Variants in LAMB4 observed in about 807,000 individuals in gnomAD.
LAMB4 encodes the protein laminin subunit beta-4.
In LAMB4, 196 loss-of-function variants were observed where a neutral mutation model predicts 199.2. That is an observed-to-expected ratio of 0.98 (90% confidence interval 0.88 to 1.11). The LOEUF (loss-of-function observed/expected upper bound fraction) is 1.11, where lower values mean the gene tolerates loss of function less well. Ranked by LOEUF, LAMB4 falls within the 50% of genes least tolerant of loss-of-function variation. LAMB4 has a pLI of 0.00. For missense variants in LAMB4, 2,080 were observed against 2,171.2 expected, an observed-to-expected ratio of 0.96 and a Z score of 0.83; for synonymous variants, 744 against 770.6, an observed-to-expected ratio of 0.97 and a Z score of 0.57.
At chr7:108,093,484 T>C (rs1439247211) in intron 12 of LAMB4, among the ~76,000 whole-genome samples, 1 of 152,226 alleles carries the variant, frequency 6.6e-6, no homozygotes, top group South Asian at 2.1e-4. Context: ...TTTTGAGATA[T>C]TACATGAATA....
chr7:108,014,363 A>T, the LAMB4 span, among the ~76,000 whole-genome samples: 4 of 152,212 alleles, frequency 2.6e-5, no homozygotes, highest in African/African-American at 9.6e-5. Context: ...TTGGGTTTGG[A>T]TGCAATGTTA....
chr7:108,026,924 G>A (rs748192480), intron 33 of LAMB4: 1 of 517,502 alleles, frequency 1.9e-6, no homozygotes, highest in African/African-American at 1.9e-5. Context: ...GCCTCAAAAG[G>A]AAAAGAGAAA....
At chr7:108,047,706 A>ATATATATAACT in intron 28 of LAMB4, among the ~76,000 whole-genome samples, 1 of 152,196 alleles carries the variant, frequency 6.6e-6, no homozygotes. Context: ...TATATATAAC[A>ATATATATAACT]GGAAATATAT....
rs1231370411 is a variant in LAMB4 at position 108,095,213 on chromosome 7, T to C, written c.1470+15A>G. The C allele has an allele frequency of 1.9e-6, 3 of 1,586,442 alleles. No individual in the cohort carries two copies. The highest frequency in any genetic ancestry group is 1.1e-5 in the South Asian group (1 of 90,046). On this transcript the variant is annotated intron_variant, in intron 12 of 33. Transcript: ENST00000388781. The stretch of plus-strand genomic sequence containing the variant: ...GTATCACTATAGAAAAGGGAAACTA[T>C]AGGCAAATACATACAGTGCATTCTT...
At position 108,062,774 on chromosome 7, in the gene LAMB4, C is replaced by T; in HGVS notation, c.3282G>A (p.Gln1094=). Residue 1094 remains glutamine, a splice_region_variant and synonymous_variant, in exon 23 of 34, where the codon CAG becomes CAA. Coordinates refer to ENST00000388781, the MANE Select transcript of LAMB4 (RefSeq NM_007356.3). ...PRTSQSSHCD[Q]LTGQCPCKLG... Reference sequence around the variant, plus strand: ...ACTAGTAAGCTTTAAAGTATCTTGCCTGGTCACAGTGGCTACTTTGAGAGG... The same window carrying T: ...ACTAGTAAGCTTTAAAGTATCTTGCTTGGTCACAGTGGCTACTTTGAGAGG... 4.9e-6 allele frequency: 7 copies of T among 1,420,260 alleles called. No homozygotes were observed. The highest frequency in any genetic ancestry group is 6.5e-6 in the Non-Finnish European group (7 of 1,079,598). 88.0% of individuals were successfully genotyped at this position (1,420,260 alleles called of 1,614,324 possible).
chr7:108,121,659 A>G (rs928590464), intron 2 of LAMB4, among the ~76,000 whole-genome samples: 3 of 151,936 alleles, frequency 2.0e-5, no homozygotes, highest in Admixed American at 2.0e-4. Flanking sequence ...CTGAGGCAGG[A>G]GAATTGCTTG....
chr7:108,029,858 G>C (rs781369072), intron 32 of LAMB4, among the ~76,000 whole-genome samples: 1 of 152,074 alleles, frequency 6.6e-6, no homozygotes, highest in Non-Finnish European at 1.5e-5. Context: ...GGTGGCTCAC[G>C]CCTGTAATCC....
At chr7:108,017,653 AG>A in the LAMB4 span, among the ~76,000 whole-genome samples, 1 of 152,198 alleles carries the variant, frequency 6.6e-6, no homozygotes, top group African/African-American at 2.4e-5. Flanking sequence ...CTCCAGAAAA[AG>A]GGCTTTGAGT....
At chr7:108,087,351 G>T (rs193163594) in intron 14 of LAMB4, among the ~76,000 whole-genome samples, 330 of 152,180 alleles carry the variant, frequency 2.2e-3, no homozygotes, top group Middle Eastern at 3.4e-3. Context: ...ATGTGTAAGA[G>T]GTACTGGCTT....
At chr7:108,040,832 T>C (rs2035398278) in intron 29 of LAMB4, among the ~76,000 whole-genome samples, 1 of 152,110 alleles carries the variant, frequency 6.6e-6, no homozygotes, top group East Asian at 1.9e-4. Context: ...GACAATATTA[T>C]TCAGGACACA....
rs181568700 is a variant in LAMB4, at chr7:108,030,434, T to C, written c.4992+372A>G. Among the ~76,000 whole-genome samples, 284 of 152,344 alleles carry C rather than the reference T, an allele frequency of 1.9e-3. 1 individual carries two copies. Among genetic ancestry groups the C allele is most frequent in the African/African-American group, 6.7e-3 (279 of 41,580 alleles). ...TTGGCAGGTGACTTTCATTTATTGT[T>C]TTCTTTATATGTTGTGTGACTGAAT... On this transcript the variant is annotated intron_variant, in intron 32 of 33. Transcript: ENST00000388781.
At chr7:108,097,654 A>G (rs898217962) in intron 11 of LAMB4, among the ~76,000 whole-genome samples, 38 of 152,058 alleles carry the variant, frequency 2.5e-4, no homozygotes, top group South Asian at 4.2e-4. Context: ...GCGTGGTGGC[A>G]GGCGCCTGTA....
chr7:108,027,947 TA>T lies in LAMB4; in HGVS notation c.5146+1095del, dbSNP rs1422521954. ...ACAGGCATGTGCCACCACGCCTGGC[TA>T]ATTTTTTTTATTTTTAGTAGAGATA... On this transcript the variant is annotated intron_variant, in intron 33 of 33. Coordinates refer to ENST00000388781, the MANE Select transcript of LAMB4 (RefSeq NM_007356.3). 4.6e-5 allele frequency among the ~76,000 whole-genome samples: 7 copies of T among 152,208 alleles called. No individual in the cohort carries two copies. The East Asian group carries it at 1.4e-3, about 29-fold the overall frequency.
chr7:108,064,986 G>C (rs2036286088), intron 21 of LAMB4, among the ~76,000 whole-genome samples: 1 of 150,390 alleles, frequency 6.6e-6, no homozygotes, highest in South Asian at 2.1e-4. Context: ...GCTCACTGTA[G>C]CCATGAACTC....
At chr7:108,027,618 A>T (rs1265743848) in intron 33 of LAMB4, among the ~76,000 whole-genome samples, 1 of 152,204 alleles carries the variant, frequency 6.6e-6, no homozygotes, top group East Asian at 1.9e-4. Flanking sequence ...CCTAGTTTTA[A>T]AGTTTTAGAA....
At chr7:108,091,838 A>T in intron 13 of LAMB4, 62 bp from the exon 14 acceptor site, 1 of 1,550,904 alleles carries the variant, frequency 6.4e-7, no homozygotes, top group Non-Finnish European at 8.8e-7. Flanking sequence ...ATGAAGGTGT[A>T]GGGGTGCTGG....
intron 26 of LAMB4, 101 bp from the exon 27 acceptor site, chr7:108,049,632 G>T: frequency 1.6e-6 from 1 of 634,626 alleles, no homozygotes; most frequent in Non-Finnish European, 2.6e-6. Context: ...TACTGTCTTG[G>T]TCTCAACTAT....
chr7:108,057,231 T>C (rs934350981), intron 24 of LAMB4, among the ~76,000 whole-genome samples: 1 of 152,178 alleles, frequency 6.6e-6, no homozygotes, highest in Non-Finnish European at 1.5e-5. Context: ...CTATAAAAGA[T>C]GAAAGCATTT....
Position 108,111,801 on chromosome 7 carries a change from T to G in LAMB4, c.328+10A>C, listed in dbSNP as rs772361134. On this transcript the variant is annotated intron_variant, in intron 4 of 33. Transcript: ENST00000388781. ...AGAAATAAACAACTGGAAAGGAACT[T>G]AAATCATACCATTTTCAGATTGCCA... 3.1e-6 allele frequency: 5 copies of G among 1,610,024 alleles called. No individual in the cohort carries two copies. Among genetic ancestry groups the G allele is most frequent in the Non-Finnish European group, 4.2e-6 (5 of 1,178,000 alleles).
Sources: allele counts gnomAD v4.1 joint callset (sites outside exome capture counted in the v4.1 genomes callset), GRCh38; gene constraint gnomAD v4.1.1; transcripts MANE v1.5; gene names NCBI Gene and HGNC (gene_info 2026-07-23, HGNC 2026-07-21).